The following NOS1AP variants were observed in gnomAD, a reference collection of about 807,000 sequenced individuals.
The protein encoded by NOS1AP is nitric oxide synthase 1 adaptor protein, also known as carboxyl-terminal PDZ ligand of neuronal nitric oxide synthase protein.
NOS1AP carries 21 observed loss-of-function variants against 56.2 expected under a neutral mutation model. That is an observed-to-expected ratio of 0.37 (90% CI 0.26 to 0.54). The LOEUF is 0.54. NOS1AP is among the 20% of genes least tolerant of loss of function. The pLI is 0.84. For synonymous variants in NOS1AP, 270 were observed against 274.6 expected, an observed-to-expected ratio of 0.98 and a Z score of 0.17; for missense variants, 522 against 657.8, an observed-to-expected ratio of 0.79 and a Z score of 2.26.
At chr1:162,328,111 C>T (rs2101789316) in intron 4 of NOS1AP, among the ~76,000 whole-genome samples, 1 of 152,322 alleles carries the variant, frequency 6.6e-6, no homozygotes, top group South Asian at 2.1e-4. Context: ...GCTCTTTCCA[C>T]AGTGCAAACC....
intron 8 of NOS1AP, among the ~76,000 whole-genome samples, chr1:162,359,897 C>T (rs191173817): frequency 2.3e-4 from 35 of 152,250 alleles, no homozygotes; most frequent in East Asian, 3.9e-4. Context: ...TTCCTTCTCT[C>T]GGAGAGCATC....
At chr1:162,349,724 A>G (rs1657429566) in intron 6 of NOS1AP, among the ~76,000 whole-genome samples, 1 of 152,204 alleles carries the variant, frequency 6.6e-6, no homozygotes, top group Non-Finnish European at 1.5e-5. Context: ...ACTCCAGAAT[A>G]CATGACCTCA....
chr1:162,355,372 A>G lies in NOS1AP; in HGVS notation c.762+19A>G, dbSNP rs764630323. The stretch of plus-strand genomic sequence containing the variant: ...CTCCAAGGTAGGCAAGAGATGGCCC[A>G]TCTGTGTGATCTGCACACGTGTGCC... On this transcript the variant is annotated intron_variant, in intron 7 of 9. Coordinates refer to ENST00000361897, the MANE Select transcript of NOS1AP (RefSeq NM_014697.3). 26 of 1,613,766 alleles carry G rather than the reference A, an allele frequency of 1.6e-5. No homozygotes were observed. Among genetic ancestry groups the G allele is most frequent in the Non-Finnish European group, 2.2e-5 (26 of 1,179,942 alleles).
intron 1 of NOS1AP, among the ~76,000 whole-genome samples, chr1:162,147,333 A>G (rs1373559516): frequency 1.1e-5 from 1 of 88,160 alleles, no homozygotes; most frequent in African/African-American, 8.1e-5. Context: ...CTCCGTCTCA[A>G]AAAAAAAAAA....
intron 4 of NOS1AP, among the ~76,000 whole-genome samples, chr1:162,322,082 CA>C: frequency 6.6e-6 from 1 of 152,230 alleles, no homozygotes; most frequent in East Asian, 1.9e-4. Flanking sequence ...TTCTAAAAAA[CA>C]CACAAAAAAG....
chr1:162,345,552 G>A (rs140674100), intron 6 of NOS1AP, among the ~76,000 whole-genome samples: 57 of 152,178 alleles, frequency 3.7e-4, no homozygotes, highest in African/African-American at 1.3e-3. Flanking sequence ...AGTTATTTAC[G>A]TTAACAGATG....
At chr1:162,228,766 A>G (rs190055191) in intron 2 of NOS1AP, among the ~76,000 whole-genome samples, 251 of 152,332 alleles carry the variant, frequency 1.6e-3, no homozygotes, top group Admixed American at 4.3e-3. Context: ...CAGACCCTCA[A>G]ATTAACGCTA....
At chr1:162,142,317 C>T (rs1238316399) in intron 1 of NOS1AP, among the ~76,000 whole-genome samples, 1 of 152,140 alleles carries the variant, frequency 6.6e-6, no homozygotes, top group Non-Finnish European at 1.5e-5. Context: ...GAAAAACATT[C>T]AGTCTTTCAC....
chr1:162,241,449 G>A (rs1420592968), intron 2 of NOS1AP, among the ~76,000 whole-genome samples: 2 of 152,188 alleles, frequency 1.3e-5, no homozygotes, highest in African/African-American at 4.8e-5. Flanking sequence ...GTGAAGACTG[G>A]AGTGATGATA....
intron 2 of NOS1AP, among the ~76,000 whole-genome samples, chr1:162,229,118 A>T (rs770931951): frequency 1.3e-5 from 2 of 152,200 alleles, no homozygotes; most frequent in Non-Finnish European, 2.9e-5. Context: ...TGGGGCCATG[A>T]TCCTAACAGG....
Position 162,333,226 on chromosome 1 carries a change from C to A in NOS1AP, c.453+101C>A. 5 of 767,958 alleles carry A rather than the reference C, an allele frequency of 6.5e-6. No homozygotes were observed. The East Asian group carries it at 1.0e-4, about 16-fold the overall frequency. The allele number at this position is 767,958 out of a possible 1,614,324, so 47.6% of individuals were successfully genotyped here. On this transcript the variant is annotated intron_variant, in intron 5 of 9. Transcript: ENST00000361897. ...CTGTTGAAGACAGCTGTGGTAATGCCGACATGGGGCAACTATCTCAGTCGT... is the reference window on the plus strand; with the variant it reads ...CTGTTGAAGACAGCTGTGGTAATGCAGACATGGGGCAACTATCTCAGTCGT...
intron 5 of NOS1AP, among the ~76,000 whole-genome samples, chr1:162,336,328 G>C: frequency 6.6e-6 from 1 of 152,164 alleles, no homozygotes; most frequent in East Asian, 1.9e-4. Flanking sequence ...AAGTAATGGA[G>C]TCAGAACTGA....
At position 162,264,034 on chromosome 1, in the gene NOS1AP, G is replaced by T. The variant is rs946410270; in HGVS notation, c.178-23310G>T. Among the ~76,000 whole-genome samples the T allele has an allele frequency of 2.6e-5, 4 of 152,116 alleles. No homozygotes were observed. The East Asian group carries it at 7.7e-4, about 29-fold the overall frequency. On this transcript the variant is annotated intron_variant, in intron 2 of 9. Transcript: ENST00000361897. ...CAACTGGACTATTACAGTAGCCTCC[G>T]AATGGTTTCCCTACATCTACATCAG...
At chr1:162,218,590 C>T (rs998392264) in intron 2 of NOS1AP, among the ~76,000 whole-genome samples, 2 of 152,164 alleles carry the variant, frequency 1.3e-5, no homozygotes, top group Admixed American at 6.5e-5. Context: ...TGATTAGAGG[C>T]CTCATGGTCT....
intron 4 of NOS1AP, among the ~76,000 whole-genome samples, chr1:162,328,968 G>A (rs1398885943): frequency 6.6e-6 from 1 of 152,154 alleles, no homozygotes; most frequent in Non-Finnish European, 1.5e-5. Context: ...CTTAAGAGAA[G>A]CGAGTTTACC....
intron 4 of NOS1AP, among the ~76,000 whole-genome samples, chr1:162,330,008 G>T (rs1487761022): frequency 6.6e-6 from 1 of 152,204 alleles, no homozygotes; most frequent in Non-Finnish European, 1.5e-5. Context: ...ATCTGTTAAG[G>T]TTAAGTTAAC....
At chr1:162,233,307 T>C (rs949869034) in intron 2 of NOS1AP, among the ~76,000 whole-genome samples, 3 of 152,176 alleles carry the variant, frequency 2.0e-5, no homozygotes, top group African/African-American at 7.2e-5. Flanking sequence ...CCAATGCCTG[T>C]GGCTCTTGCA....
intron 2 of NOS1AP, among the ~76,000 whole-genome samples, chr1:162,172,625 A>G (rs1362714934): frequency 6.6e-6 from 1 of 152,164 alleles, no homozygotes; most frequent in East Asian, 1.9e-4. Context: ...ATTGTCATAT[A>G]TCACTATTTT....
intron 2 of NOS1AP, among the ~76,000 whole-genome samples, chr1:162,238,045 A>G (rs1033584917): frequency 1.3e-5 from 2 of 152,046 alleles, no homozygotes; most frequent in African/African-American, 4.8e-5. Flanking sequence ...TGACAGGATT[A>G]ATCACATTTC....
Sources: allele counts gnomAD v4.1 joint callset (sites outside exome capture counted in the v4.1 genomes callset), GRCh38; gene constraint gnomAD v4.1.1; transcripts MANE v1.5; gene names NCBI Gene and HGNC (gene_info 2026-07-23, HGNC 2026-07-21).